SCAPER: variants seen among roughly 807,000 people sequenced by gnomAD.
SCAPER encodes S-phase cyclin A associated protein in the ER.
A neutral mutation model predicts 182.2 loss-of-function variants in SCAPER; 98 were observed. That is an observed-to-expected ratio of 0.54 (90% CI 0.46 to 0.64). The LOEUF (loss-of-function observed/expected upper bound fraction) is 0.64, where lower values mean the gene tolerates loss of function less well. SCAPER is among the 30% of genes least tolerant of loss of function. SCAPER has a pLI of 0.00. For synonymous variants in SCAPER, 605 were observed against 564.6 expected (o/e 1.07, Z -1.01); for missense variants, 1,432 against 1,690.0 (o/e 0.85, Z 2.68).
chr15:76,891,874 A>G (rs918708583), intron 1 of SCAPER, among the ~76,000 whole-genome samples: 2 of 152,188 alleles, frequency 1.3e-5, no homozygotes, highest in South Asian at 2.1e-4. Flanking sequence ...TGCCAAGACA[A>G]TCCTAAGCAA....
At chr15:76,772,578 T>C (rs909382125) in intron 9 of SCAPER, among the ~76,000 whole-genome samples, 2 of 151,986 alleles carry the variant, frequency 1.3e-5, no homozygotes, top group Non-Finnish European at 2.9e-5. Context: ...ATTGAAAGCA[T>C]GTAGTGTCTC....
intron 1 of SCAPER, among the ~76,000 whole-genome samples, chr15:76,893,403 C>A (rs1217493060): frequency 6.6e-6 from 1 of 151,814 alleles, no homozygotes; most frequent in Non-Finnish European, 1.5e-5. Context: ...TGTACGCACC[C>A]AACATTGGAG....
At chr15:76,800,459 C>G (rs938380647) in intron 6 of SCAPER, 95 bp from the exon 7 acceptor site, 4 of 784,956 alleles carry the variant, frequency 5.1e-6, no homozygotes, top group Non-Finnish European at 8.5e-6. Context: ...AAAAAATAAT[C>G]CTACTTTTCA....
At chr15:76,477,304 T>TCTTAGACA (rs770089599) in intron 24 of SCAPER, among the ~76,000 whole-genome samples, 3 of 152,178 alleles carry the variant, frequency 2.0e-5, no homozygotes, top group Admixed American at 1.3e-4. Flanking sequence ...CATTCCTGTA[T>TCTTAGACA]CTTAGACACT....
intron 1 of SCAPER, among the ~76,000 whole-genome samples, chr15:76,894,613 T>C (rs759401885): frequency 2.0e-5 from 3 of 151,688 alleles, no homozygotes; most frequent in Non-Finnish European, 2.9e-5. Flanking sequence ...AAACTAAGAG[T>C]TGGTTTTTGA....
At chr15:76,432,186 T>A (rs1451193752) in intron 26 of SCAPER, among the ~76,000 whole-genome samples, 1 of 152,184 alleles carries the variant, frequency 6.6e-6, no homozygotes, top group Non-Finnish European at 1.5e-5. Flanking sequence ...ATGACATTCG[T>A]CAGCAGAGAG....
At chr15:76,464,039 T>C (rs2049397641) in intron 25 of SCAPER, among the ~76,000 whole-genome samples, 1 of 119,904 alleles carries the variant, frequency 8.3e-6, no homozygotes, top group African/African-American at 3.2e-5. Context: ...AAAAGACATA[T>C]AAATTTTCTT....
intron 22 of SCAPER, among the ~76,000 whole-genome samples, chr15:76,618,766 A>T (rs1262821066): frequency 1.3e-5 from 2 of 152,240 alleles, no homozygotes; most frequent in East Asian, 1.9e-4. Flanking sequence ...TTATATAATG[A>T]GCACATGAAG....
intron 22 of SCAPER, among the ~76,000 whole-genome samples, chr15:76,605,693 A>C (rs915471337): frequency 6.6e-6 from 1 of 152,162 alleles, no homozygotes; most frequent in Non-Finnish European, 1.5e-5. Flanking sequence ...TATTGCCTCA[A>C]TTTCAGAGCC....
chr15:76,388,432 GGTAACACA>G (rs952591451), intron 27 of SCAPER, among the ~76,000 whole-genome samples: 2 of 151,842 alleles, frequency 1.3e-5, no homozygotes, highest in Non-Finnish European at 2.9e-5. Context: ...CTCCAGCCTG[GGTAACACA>G]GTGAGATCCT....
At chr15:76,719,366 T>C (rs1350225637) in intron 17 of SCAPER, among the ~76,000 whole-genome samples, 1 of 151,920 alleles carries the variant, frequency 6.6e-6, no homozygotes, top group Non-Finnish European at 1.5e-5. Context: ...GAAAACAAGG[T>C]ATTAGTTATC....
intron 14 of SCAPER, 80 bp from the exon 15 acceptor site, chr15:76,754,028 T>A (rs1022245288): frequency 3.2e-5 from 46 of 1,453,626 alleles, no homozygotes; most frequent in Non-Finnish European, 3.5e-5. Flanking sequence ...AAATGGCTTA[T>A]GAAATATAAA....
At chr15:76,780,312 G>T (rs114811932) in intron 8 of SCAPER, among the ~76,000 whole-genome samples, 2,368 of 152,394 alleles carry the variant, frequency 0.016, 63 homozygotes, top group African/African-American at 0.055. Flanking sequence ...TGAGGCTACA[G>T]TCGGGCAGGG....
intron 15 of SCAPER, among the ~76,000 whole-genome samples, chr15:76,745,224 G>C (rs1302689691): frequency 1.3e-5 from 2 of 152,142 alleles, no homozygotes; most frequent in African/African-American, 4.8e-5. Flanking sequence ...TGGATCACCT[G>C]AGGTTAGGAG....
At chr15:76,537,510 G>A (rs1474091406) in intron 23 of SCAPER, among the ~76,000 whole-genome samples, 1 of 152,094 alleles carries the variant, frequency 6.6e-6, no homozygotes, top group African/African-American at 2.4e-5. Flanking sequence ...AAACTGGCTA[G>A]CCATATGTAG....
intron 17 of SCAPER, among the ~76,000 whole-genome samples, chr15:76,725,404 T>G (rs2060522443): frequency 7.3e-6 from 1 of 137,802 alleles, no homozygotes; most frequent in African/African-American, 2.5e-5. Flanking sequence ...ATTCTCTCTC[T>G]TAGTGTATAC....
chr15:76,688,303 G>A (rs529507341), intron 20 of SCAPER, among the ~76,000 whole-genome samples: 4 of 152,210 alleles, frequency 2.6e-5, no homozygotes, highest in African/African-American at 7.2e-5. Context: ...TCCTGTAAAC[G>A]TGTTTAAGTT....
intron 20 of SCAPER, among the ~76,000 whole-genome samples, chr15:76,666,175 C>T (rs907002459): frequency 1.3e-5 from 2 of 152,036 alleles, no homozygotes; most frequent in African/African-American, 4.8e-5. Flanking sequence ...GTTCACTAGG[C>T]GGAAGAGGGG....
intron 23 of SCAPER, among the ~76,000 whole-genome samples, chr15:76,513,324 T>C (rs2042187212): frequency 6.6e-6 from 1 of 152,124 alleles, no homozygotes; most frequent in African/African-American, 2.4e-5. Flanking sequence ...CAAGGAGAAA[T>C]ACTGCTCACT....
Sources: gnomAD v4.1 joint callset for allele counts (sites outside exome capture counted in the v4.1 genomes callset) on GRCh38, gnomAD v4.1.1 for gene constraint, MANE v1.5 for transcripts, NCBI Gene and HGNC (gene_info 2026-07-23, HGNC 2026-07-21) for gene names.